The following ATG2A variants were observed in gnomAD, a reference collection of about 807,000 sequenced individuals.
ATG2A encodes autophagy related 2A.
Under a neutral mutation model 214.2 loss-of-function variants are expected in ATG2A, and 103 were observed. The ratio of observed to expected loss-of-function variants is 0.48; its 90% CI spans 0.41 to 0.57. ATG2A has a LOEUF of 0.57. ATG2A is among the 20% of genes least tolerant of loss of function. ATG2A has a pLI of 0.00. For synonymous variants in ATG2A, 1,160 were observed against 1,142.1 expected, an observed-to-expected ratio of 1.02 and a Z score of -0.32; for missense variants, 2,312 against 2,613.2, an observed-to-expected ratio of 0.88 and a Z score of 2.51.
Position 64,895,750 on chromosome 11 carries a change from C to T in ATG2A, c.5428-308G>A, listed in dbSNP as rs1256316194. 6.6e-6 allele frequency among the ~76,000 whole-genome samples: 1 copy of T among 152,182 alleles called. No homozygotes were observed. The highest frequency in any genetic ancestry group is 1.5e-5 in the Non-Finnish European group (1 of 68,020). On this transcript the variant is annotated intron_variant, in intron 39 of 40. Coordinates refer to ENST00000377264, the MANE Select transcript of ATG2A (RefSeq NM_015104.3). The surrounding 1 kb of genome is among the most constrained non-coding windows in gnomAD (Gnocchi z 5.0). Reference sequence around the variant, plus strand: ...AGCAGGTTCCACATGGCTGCCGCAGCTGCACGCCTGAGACTGACCGCTCCT... The same window carrying T: ...AGCAGGTTCCACATGGCTGCCGCAGTTGCACGCCTGAGACTGACCGCTCCT...
chr11:64,912,712 G>A, intron 6 of ATG2A: 1 of 446,598 alleles, frequency 2.2e-6, no homozygotes, highest in African/African-American at 2.0e-5. Flanking sequence ...TCCCGCCTCA[G>A]CCTCCCAAGA....
chr11:64,909,390 G>C, intron 14 of ATG2A, 23 bp from the exon 15 acceptor site: 1 of 1,603,274 alleles, frequency 6.2e-7, no homozygotes. Flanking sequence ...GGGGAATTAG[G>C]GGGGTCATCA....
At position 64,913,772 on chromosome 11, in the gene ATG2A, C is replaced by A. The variant is rs1944870998; in HGVS notation, c.590+49G>T. 6.4e-7 allele frequency: 1 copy of A among 1,572,868 alleles called. No homozygotes were observed. The highest frequency in any genetic ancestry group is 8.7e-7 in the Non-Finnish European group (1 of 1,150,132). On this transcript the variant is annotated intron_variant, in intron 4 of 40. Transcript: ENST00000377264. This position sits in a 1 kb window ranked among gnomAD's most constrained non-coding sequence, Gnocchi z 4.3. ...TGCGGGTGGGGACCATCCAGCAGCC[C>A]CCACTCCCCATCTTCACACCAGTCC... is the stretch of plus-strand genomic sequence containing the variant.
rs746914035 is a variant in ATG2A at position 64,898,349 on chromosome 11, G to C, written c.4685C>G (p.Ala1562Gly). ...GTTGGTAGTGGGGGCCACATGCAGC[G>C]CTTTGATGGTGAGCTGGGAGCAGAG... ...RAHSNMLTIKALHVAPTTNLG... is the reference protein window; with the variant it reads ...RAHSNMLTIKGLHVAPTTNLG... The change falls in exon 33 of 41, where the codon GCG (alanine) becomes GGG (glycine). Residue 1562 changes from alanine to glycine, a missense_variant. Physicochemically the swap from Ala to Gly is moderately conservative, Grantham distance 60. Coordinates refer to ENST00000377264, the MANE Select transcript of ATG2A (RefSeq NM_015104.3). This position sits in a 1 kb window ranked among gnomAD's most constrained non-coding sequence, Gnocchi z 4.5. 1 of 1,603,986 alleles carries C rather than the reference G, an allele frequency of 6.2e-7. No homozygotes were observed. Among genetic ancestry groups the C allele is most frequent in the African/African-American group, 1.3e-5 (1 of 74,422 alleles).
At chr11:64,909,600 G>A in intron 14 of ATG2A, 81 bp downstream of exon 14, 1 of 1,569,652 alleles carries the variant, frequency 6.4e-7, no homozygotes, top group Admixed American at 1.7e-5. Context: ...GGTTGTGACT[G>A]GGCCCCTTCC....
rs758826440 is a variant in ATG2A, at chr11:64,898,093, G to A, written c.4851C>T (p.Ser1617=). Reference sequence around the variant, plus strand: ...CCTGGCCCAGCCTCTCACCCTCAGCGGAGGTCTCCCCTGGGACCACGGGGT... The same window carrying A: ...CCTGGCCCAGCCTCTCACCCTCAGCAGAGGTCTCCCCTGGGACCACGGGGT... ...GINPVVPGET[S]AEARPETRAQ... is the part of the protein sequence containing the mutation. The change falls in exon 34 of 41, where the codon TCC becomes TCT. Residue 1617 remains serine (S), a synonymous_variant. Coordinates refer to ENST00000377264, the MANE Select transcript of ATG2A (RefSeq NM_015104.3). The surrounding 1 kb of genome is among the most constrained non-coding windows in gnomAD (Gnocchi z 4.5). The A allele has an allele frequency of 2.5e-5, 41 of 1,613,818 alleles. No homozygotes were observed. Among genetic ancestry groups the A allele is most frequent in the Admixed American group, 1.5e-4 (9 of 59,994 alleles).
intron 1 of ATG2A, 173 bp downstream of exon 1, chr11:64,916,792 G>A: frequency 1.2e-6 from 1 of 823,480 alleles, no homozygotes; most frequent in Non-Finnish European, 1.8e-6. Context: ...TTCTGGCTCT[G>A]GTAAGGAACT....
chr11:64,894,943 A>C lies in ATG2A; in HGVS notation c.*30T>G, dbSNP rs112923708. On this transcript the variant is annotated 3_prime_UTR_variant, in exon 41 of 41. Transcript: ENST00000377264. ...TGGGAGGCTCAGGAGCATGGTGGGC[A>C]GCACCCTCTGGGTGCCGGGCACCCC... 340 of 1,606,414 alleles carry C rather than the reference A, an allele frequency of 2.1e-4. No homozygotes were observed. In the African/African-American group the frequency reaches 4.0e-3, roughly 19 times the overall value.
chr11:64,912,824 CT>C, intron 6 of ATG2A: 1 of 519,222 alleles, frequency 1.9e-6, no homozygotes, highest in Non-Finnish European at 3.4e-6. Flanking sequence ...AACTCCTGAC[CT>C]CAGATGATCC....
In ATG2A at chr11:64,909,056, AG is replaced by A. The variant is rs757023969; in HGVS notation, c.2298del (p.Cys767ValfsTer24). On this transcript the variant is annotated frameshift_variant, in exon 16 of 41. Coordinates refer to ENST00000377264, the MANE Select transcript of ATG2A (RefSeq NM_015104.3). LOFTEE classifies it high-confidence loss of function. ...GEELELSVES[P>X]CELREPEPSP... ...GAGGGCTCAGGTTCCCGCAGCTCAC[AG>A]GGACTCTCCACTGACAGCTCCAGTT... 1 of 1,613,266 alleles carries A rather than the reference AG, an allele frequency of 6.2e-7. No homozygotes were observed. The highest frequency in any genetic ancestry group is 1.1e-5 in the South Asian group (1 of 91,064).
chr11:64,895,362 C>A lies in ATG2A; in HGVS notation c.5508G>T (p.Arg1836=), dbSNP rs142328414. 6.4e-4 allele frequency: 1,040 copies of A among 1,612,952 alleles called. 5 individuals carry two copies. In the African/African-American group the frequency reaches 0.013, roughly 20 times the overall value. Residue 1836 remains arginine, a synonymous_variant, in exon 40 of 41, where the codon CGG becomes CGT. Transcript: ENST00000377264. This position sits in a 1 kb window ranked among gnomAD's most constrained non-coding sequence, Gnocchi z 5.0. The part of the protein sequence containing the change: ...SRSLQDKRSA[R]RLRRGQQPAD... The stretch of plus-strand genomic sequence containing the variant: ...CAGGCTGCTGGCCCCTGCGCAGCCT[C>A]CGCGCAGAGCGCTTATCCTGCAGGG...
rs779988127 is a variant in ATG2A at position 64,914,458 on chromosome 11, G to A, written c.214C>T (p.Leu72=). Residue 72 remains leucine, a synonymous_variant, in exon 2 of 41, where the codon CTG becomes TTG. Transcript: ENST00000377264. ...ATGGAGCCCACGAAGCCTTCCACCA[G>A]CTCCAGCGGTGACTCCATTGACTCC... ...VLESMESPLE[L]VEGFVGSIEV... 1.2e-6 allele frequency: 2 copies of A among 1,612,952 alleles called. No individual in the cohort carries two copies. Among genetic ancestry groups the A allele is most frequent in the Non-Finnish European group, 1.7e-6 (2 of 1,179,800 alleles).
chr11:64,916,863 A>G, intron 1 of ATG2A, 102 bp downstream of exon 1: 2 of 1,505,590 alleles, frequency 1.3e-6, no homozygotes, highest in South Asian at 2.4e-5. Context: ...TGGCCTCTCT[A>G]CGCCCGGTGC....
Position 64,914,343 on chromosome 11 carries a change from C to A in ATG2A, c.329G>T (p.Gly110Val), listed in dbSNP as rs138067004. 2.0e-4 allele frequency: 321 copies of A among 1,601,256 alleles called. 2 individuals are homozygous for A. In the African/African-American group the frequency reaches 3.6e-3, roughly 18 times the overall value. Reference protein sequence around the residue: ...GLQLTLQPRRGPAPGAADSQS... With the variant: ...GLQLTLQPRRVPAPGAADSQS... ...CAGCCTCGCCCTGCCCTCACCTGGA[C>A]CCCGGCGGGGCTGCAAGGTGAGCTG... The change falls in exon 2 of 41, where the codon GGT becomes GTT. Residue 110 changes from glycine (G) to valine (V), a missense_variant. Physicochemically the swap from Gly to Val is moderately radical, Grantham distance 109. Transcript: ENST00000377264.
chr11:64,909,655 A>G, intron 14 of ATG2A, 26 bp downstream of exon 14: 1 of 1,604,162 alleles, frequency 6.2e-7, no homozygotes, highest in South Asian at 1.1e-5. Context: ...CTCTTGCCCC[A>G]AGTTCTGTCA....
intron 14 of ATG2A, 90 bp from the exon 15 acceptor site, chr11:64,909,457 C>G (rs1018969265): frequency 1.4e-6 from 2 of 1,428,590 alleles, no homozygotes; most frequent in Non-Finnish European, 1.9e-6. Context: ...GCTGTGCCCC[C>G]GACTCCACAC....
chr11:64,908,509 G>A (rs1944640215), intron 16 of ATG2A, among the ~76,000 whole-genome samples: 1 of 151,892 alleles, frequency 6.6e-6, no homozygotes, highest in Non-Finnish European at 1.5e-5. Flanking sequence ...CCGAGATCAT[G>A]CCACTGCACT....
At chr11:64,904,795 T>A (rs933761850) in intron 24 of ATG2A, among the ~76,000 whole-genome samples, 1 of 65,734 alleles carries the variant, frequency 1.5e-5, no homozygotes, top group Non-Finnish European at 2.9e-5. Context: ...AACACTGTAC[T>A]GTGGCATCTT....
intron 24 of ATG2A, among the ~76,000 whole-genome samples, chr11:64,904,255 T>C (rs1462036005): frequency 6.8e-6 from 1 of 146,016 alleles, no homozygotes; most frequent in Non-Finnish European, 1.5e-5. Context: ...CAAAAAGAAA[T>C]AATAATAAGG....
Sources: gnomAD v4.1 joint callset for allele counts (sites outside exome capture counted in the v4.1 genomes callset) on GRCh38, gnomAD v4.1.1 for gene constraint, Gnocchi (gnomAD v3.1) non-coding constraint, MANE v1.5 for transcripts, NCBI Gene and HGNC (gene_info 2026-07-23, HGNC 2026-07-21) for gene names.